Variants in NRXN1 observed in about 807,000 individuals in gnomAD.
The protein encoded by NRXN1 is neurexin-1.
In NRXN1, 39 loss-of-function variants were observed where a neutral mutation model predicts 150.9. The ratio of observed to expected loss-of-function variants is 0.26; its 90% CI spans 0.20 to 0.34. NRXN1 has a LOEUF of 0.34. Ranked by LOEUF, NRXN1 falls within the 10% of genes least tolerant of loss-of-function variation. NRXN1 has a pLI of 1.00. For synonymous variants in NRXN1, 924 were observed against 757.0 expected, an observed-to-expected ratio of 1.22 and a Z score of -3.62; for missense variants, 1,815 against 1,949.9, an observed-to-expected ratio of 0.93 and a Z score of 1.30.
chr2:50,384,927 G>A (rs1211607542), intron 17 of NRXN1, among the ~76,000 whole-genome samples: 3 of 151,960 alleles, frequency 2.0e-5, no homozygotes, highest in African/African-American at 2.4e-5. Flanking sequence ...CTTAATCTTG[G>A]AACAGCCTTC....
intron 2 of NRXN1, among the ~76,000 whole-genome samples, chr2:50,961,608 CTATAA>C (rs1693211457): frequency 6.6e-6 from 1 of 151,676 alleles, no homozygotes; most frequent in Non-Finnish European, 1.5e-5. Context: ...AAAAGAAAGG[CTATAA>C]TATGATTCAT....
chr2:49,937,052 G>A (rs988257349), intron 22 of NRXN1, among the ~76,000 whole-genome samples: 3 of 152,160 alleles, frequency 2.0e-5, no homozygotes, highest in Non-Finnish European at 4.4e-5. Flanking sequence ...TGTAAATATG[G>A]AGGACTTGGG....
chr2:50,501,426 T>TGTGTGTGTGTGTGTG (rs70948713), intron 13 of NRXN1, among the ~76,000 whole-genome samples: 1 of 151,568 alleles, frequency 6.6e-6, no homozygotes, highest in South Asian at 2.1e-4. Flanking sequence ...TGTGTGTGTG[T>TGTGTGTGTGTGTGTG]TTATTCCCTT....
intron 2 of NRXN1, among the ~76,000 whole-genome samples, chr2:50,956,723 TATAATA>T (rs902039170): frequency 6.6e-6 from 1 of 151,170 alleles, no homozygotes; most frequent in Admixed American, 6.6e-5. Flanking sequence ...TCAAAAAATA[TATAATA>T]ATAATAATAA....
At chr2:50,865,640 C>A (rs965354245) in intron 5 of NRXN1, among the ~76,000 whole-genome samples, 12 of 121,916 alleles carry the variant, frequency 9.8e-5, no homozygotes, top group African/African-American at 3.7e-4. Flanking sequence ...CACAGTAATT[C>A]CCAGTAAGCA....
chr2:50,655,992 C>G (rs1018695805), intron 5 of NRXN1, among the ~76,000 whole-genome samples: 1 of 151,942 alleles, frequency 6.6e-6, no homozygotes, highest in Non-Finnish European at 1.5e-5. Flanking sequence ...GCATCGACCT[C>G]TAGGCTTCAG....
intron 8 of NRXN1, among the ~76,000 whole-genome samples, chr2:50,593,497 T>C (rs751544592): frequency 3.9e-5 from 6 of 152,216 alleles, no homozygotes; most frequent in Non-Finnish European, 5.9e-5. Context: ...CTATCAATTT[T>C]AAAAGCCATC....
Position 50,597,914 on chromosome 2 carries a change from C to A in NRXN1, c.1320+22108G>T, listed in dbSNP as rs889568341. ...AGCACTTTGGGAAGCTGAGGCAGGCCAATTACCTGAGGTCAGGAGTTCAAG... is the reference window on the plus strand; with the variant it reads ...AGCACTTTGGGAAGCTGAGGCAGGCAAATTACCTGAGGTCAGGAGTTCAAG... On this transcript the variant is annotated intron_variant, in intron 8 of 22. Transcript: ENST00000401669. Among the ~76,000 whole-genome samples, 7 of 152,000 alleles carry A rather than the reference C, an allele frequency of 4.6e-5. No homozygotes were observed. The East Asian group carries it at 7.7e-4, about 17-fold the overall frequency.
At chr2:50,207,379 T>C (rs945108990) in intron 18 of NRXN1, among the ~76,000 whole-genome samples, 2 of 152,118 alleles carry the variant, frequency 1.3e-5, no homozygotes, top group African/African-American at 4.8e-5. Flanking sequence ...GAATAATCCC[T>C]TGTGGTCACA....
intron 8 of NRXN1, among the ~76,000 whole-genome samples, chr2:50,555,937 G>A (rs947036760): frequency 6.6e-6 from 1 of 152,096 alleles, no homozygotes; most frequent in Non-Finnish European, 1.5e-5. Flanking sequence ...CTCTCCAGAG[G>A]TTTATACACA....
intron 17 of NRXN1, among the ~76,000 whole-genome samples, chr2:50,452,419 GC>G (rs2087060966): frequency 6.6e-6 from 1 of 152,128 alleles, no homozygotes; most frequent in Non-Finnish European, 1.5e-5. Flanking sequence ...TAAAGACAAG[GC>G]AAACCAAATC....
At chr2:50,307,877 A>G (rs1261643058) in intron 17 of NRXN1, among the ~76,000 whole-genome samples, 1 of 152,242 alleles carries the variant, frequency 6.6e-6, no homozygotes, top group Non-Finnish European at 1.5e-5. Flanking sequence ...CAGGTAATCA[A>G]TGATAAAACT....
chr2:50,794,913 C>G (rs1300348271), intron 5 of NRXN1, among the ~76,000 whole-genome samples: 2 of 152,042 alleles, frequency 1.3e-5, no homozygotes, highest in African/African-American at 4.8e-5. Context: ...AATTAGACAA[C>G]AATTTGCTCA....
At chr2:50,876,297 A>G (rs1678580482) in intron 5 of NRXN1, among the ~76,000 whole-genome samples, 1 of 151,832 alleles carries the variant, frequency 6.6e-6, no homozygotes, top group East Asian at 1.9e-4. Flanking sequence ...AACATTTCCA[A>G]AACTCTGTGA....
intron 21 of NRXN1, among the ~76,000 whole-genome samples, chr2:50,031,230 G>A (rs1050362521): frequency 1.3e-5 from 2 of 152,002 alleles, no homozygotes; most frequent in Non-Finnish European, 2.9e-5. Flanking sequence ...AAAGAAGCCA[G>A]CATGCTTGGA....
chr2:49,965,155 C>T (rs1250478925), intron 21 of NRXN1, among the ~76,000 whole-genome samples: 3 of 152,006 alleles, frequency 2.0e-5, no homozygotes, highest in African/African-American at 7.2e-5. Flanking sequence ...GCTGGGATTA[C>T]AGGCATGAGC....
intron 21 of NRXN1, among the ~76,000 whole-genome samples, chr2:50,046,177 G>A (rs190519326): frequency 1.3e-5 from 2 of 152,170 alleles, no homozygotes; most frequent in Non-Finnish European, 2.9e-5. Context: ...CGCAAGTTAT[G>A]GGAATCCTTG....
Position 50,141,087 on chromosome 2 carries a change from TCAA to T in NRXN1, c.3547-49596_3547-49594del, listed in dbSNP as rs1033845236. Among the ~76,000 whole-genome samples the T allele has an allele frequency of 5.9e-5, 9 of 152,104 alleles. No homozygotes were observed. In the East Asian group the frequency reaches 1.4e-3, roughly 23 times the overall value. On this transcript the variant is annotated intron_variant, in intron 18 of 22. Coordinates refer to ENST00000401669, the MANE Select transcript of NRXN1 (RefSeq NM_001330078.2). ...GAACGTATCTAAACAGACAGCCAAA[TCAA>T]CAAGTTGAATGGCAACAAGTAAGAC...
intron 4 of NRXN1, 167 bp downstream of exon 4, chr2:50,922,487 GAACA>G (rs759383800): frequency 1.2e-4 from 89 of 739,794 alleles, no homozygotes; most frequent in Non-Finnish European, 2.0e-4. Flanking sequence ...AAAATCAAAC[GAACA>G]AAGAAATGGA....
Sources: gnomAD v4.1 joint callset for allele counts (sites outside exome capture counted in the v4.1 genomes callset) on GRCh38, gnomAD v4.1.1 for gene constraint, MANE v1.5 for transcripts, NCBI Gene and HGNC (gene_info 2026-07-23, HGNC 2026-07-21) for gene names.